Variants in RELN observed in about 807,000 individuals in gnomAD.
RELN encodes reelin.
A neutral mutation model predicts 427.6 loss-of-function variants in RELN; 108 were observed. The ratio of observed to expected loss-of-function variants is 0.25; its 90% CI spans 0.22 to 0.30. The LOEUF (loss-of-function observed/expected upper bound fraction) is 0.30. Among genes scored for constraint, RELN ranks in the 10% least tolerant of loss-of-function variants. The pLI is 1.00. For missense variants in RELN, 3,715 were observed against 4,302.8 expected (o/e 0.86, Z 3.82); for synonymous variants, 1,524 against 1,513.4 (o/e 1.01, Z -0.16).
chr7:103,873,210 G>C (rs1342560965), intron 2 of RELN, among the ~76,000 whole-genome samples: 1 of 146,228 alleles, frequency 6.8e-6, no homozygotes, highest in Non-Finnish European at 1.5e-5. Context: ...AAAGCAGTGT[G>C]TAGAGGGAAA....
At chr7:103,767,660 T>G (rs1791459184) in intron 4 of RELN, among the ~76,000 whole-genome samples, 1 of 152,226 alleles carries the variant, frequency 6.6e-6, no homozygotes, top group South Asian at 2.1e-4. Flanking sequence ...TCCTTTCAAG[T>G]TTTTAGTCTA....
At chr7:103,596,030 T>C (rs888622548) in intron 25 of RELN, among the ~76,000 whole-genome samples, 3 of 152,208 alleles carry the variant, frequency 2.0e-5, no homozygotes, top group Admixed American at 1.3e-4. Flanking sequence ...ATACACTGTT[T>C]AGGGATAGCC....
intron 6 of RELN, among the ~76,000 whole-genome samples, chr7:103,745,528 G>T (rs1469806425): frequency 6.7e-6 from 1 of 149,038 alleles, no homozygotes; most frequent in Non-Finnish European, 1.5e-5. Context: ...CATCGTCTCA[G>T]CCCAAAATCT....
intron 8 of RELN, among the ~76,000 whole-genome samples, chr7:103,717,263 G>T (rs966135582): frequency 2.0e-5 from 3 of 150,672 alleles, no homozygotes; most frequent in African/African-American, 7.3e-5. Flanking sequence ...AGAATTTGGG[G>T]TGAGGTGGAT....
intron 19 of RELN, among the ~76,000 whole-genome samples, chr7:103,631,117 G>A (rs1832454624): frequency 1.3e-5 from 2 of 151,640 alleles, no homozygotes; most frequent in South Asian, 4.2e-4. Context: ...TTTGTACATG[G>A]ATATATGGGG....
chr7:103,490,479 C>G (rs1005470196), intron 59 of RELN, among the ~76,000 whole-genome samples, 189 bp downstream of exon 59: 12 of 152,192 alleles, frequency 7.9e-5, no homozygotes, highest in African/African-American at 2.7e-4. Context: ...CAATTTCCTC[C>G]TGGAACATGC....
chr7:103,676,588 C>T (rs1048387503), intron 11 of RELN, among the ~76,000 whole-genome samples: 5 of 152,174 alleles, frequency 3.3e-5, no homozygotes, highest in African/African-American at 1.2e-4. Context: ...GACACATGCA[C>T]ACGTATGTTT....
chr7:103,723,094 C>A lies in RELN; in HGVS notation c.805+46G>T, dbSNP rs1324740852. ...TCCTGATTGCACACTATGTTTAAAGCAAACATTTCCAAATTAAATCGTTAT... is the reference window on the plus strand; with the variant it reads ...TCCTGATTGCACACTATGTTTAAAGAAAACATTTCCAAATTAAATCGTTAT... On this transcript the variant is annotated intron_variant, in intron 8 of 64. Coordinates refer to ENST00000428762, the MANE Select transcript of RELN (RefSeq NM_005045.4). 2.4e-6 allele frequency: 3 copies of A among 1,231,750 alleles called. No homozygotes were observed. In the Admixed American group the frequency reaches 5.1e-5, roughly 21 times the overall value. 76.3% of individuals were successfully genotyped at this position (1,231,750 alleles called of 1,614,324 possible).
chr7:103,890,128 A>G (rs1458111208), intron 2 of RELN, among the ~76,000 whole-genome samples: 1 of 150,908 alleles, frequency 6.6e-6, no homozygotes, highest in Non-Finnish European at 1.5e-5. Flanking sequence ...TTCTTCTCCT[A>G]TGTCTTACAG....
chr7:103,830,227 A>T (rs753990449), intron 3 of RELN, among the ~76,000 whole-genome samples: 13 of 152,012 alleles, frequency 8.6e-5, no homozygotes, highest in Admixed American at 3.9e-4. Context: ...AGCACATTCT[A>T]TTGGTCTATA....
intron 36 of RELN, 71 bp from the exon 37 acceptor site, chr7:103,558,120 A>T: frequency 1.3e-6 from 1 of 768,464 alleles, no homozygotes; most frequent in Non-Finnish European, 2.4e-6. Flanking sequence ...GATTTTATAC[A>T]CCTAACTTGC....
Position 103,640,708 on chromosome 7 carries a change from T to G in RELN, c.2003-99A>C. 1 of 1,247,846 alleles carries G rather than the reference T, an allele frequency of 8.0e-7. No individual in the cohort carries two copies. The highest frequency in any genetic ancestry group is 1.1e-6 in the Non-Finnish European group (1 of 871,512). The allele number at this position is 1,247,846 out of a possible 1,614,324, so 77.3% of individuals were successfully genotyped here. On this transcript the variant is annotated intron_variant, in intron 16 of 64. Transcript: ENST00000428762. The surrounding 1 kb of genome is among the most constrained non-coding windows in gnomAD (Gnocchi z 4.1). ...CATGAAATATGGCCCCTTGTGTGTA[T>G]GTTGTGTGCAGGAACCCAGGGTGAC...
chr7:103,835,845 A>C (rs1793386984), intron 2 of RELN, among the ~76,000 whole-genome samples: 1 of 152,162 alleles, frequency 6.6e-6, no homozygotes, highest in South Asian at 2.1e-4. Flanking sequence ...ATCTGGAAGC[A>C]GTGGTCTCTC....
chr7:103,734,944 A>G (rs1042141563), intron 6 of RELN, among the ~76,000 whole-genome samples: 4 of 152,202 alleles, frequency 2.6e-5, no homozygotes, highest in African/African-American at 4.8e-5. Context: ...GGACTTCATA[A>G]AAAACATTAA....
chr7:103,617,558 G>A (rs1359153504), intron 20 of RELN, among the ~76,000 whole-genome samples: 6 of 151,074 alleles, frequency 4.0e-5, no homozygotes. Flanking sequence ...GTAGATATAT[G>A]TATATATATG....
chr7:103,783,281 C>T (rs945977627), intron 3 of RELN, among the ~76,000 whole-genome samples: 7 of 149,978 alleles, frequency 4.7e-5, no homozygotes, highest in South Asian at 2.1e-4. Context: ...AAGCATAAAA[C>T]GTACAGTGCA....
At position 103,566,648 on chromosome 7, in the gene RELN, T is replaced by C. The variant is rs1264670936; in HGVS notation, c.4700A>G (p.Asp1567Gly). 1 of 1,614,172 alleles carries C rather than the reference T, an allele frequency of 6.2e-7. No individual in the cohort carries two copies. The highest frequency in any genetic ancestry group is 8.5e-7 in the Non-Finnish European group (1 of 1,180,028). Residue 1567 changes from aspartate (D) to glycine (G), a missense_variant, in exon 32 of 65, where the codon GAC becomes GGC. Around this residue, in one of 4 missense-constraint regions of RELN, gnomAD observed 2,208 missense variants for 2,361.7 expected, o/e 0.93. Coordinates refer to ENST00000428762, the MANE Select transcript of RELN (RefSeq NM_005045.4). ...PQIISIDLPQ[D>G]AKTPATAFRW... The stretch of plus-strand genomic sequence containing the variant: ...AAATGCCGTTGCAGGTGTCTTCGCG[T>C]CCTGTGGCAGGTCAATGGAAATGAT...
In RELN at chr7:103,926,248, G is replaced by A. The variant is rs1045914971; in HGVS notation, c.227-9063C>T. Among the ~76,000 whole-genome samples, 5 of 151,650 alleles carry A rather than the reference G, an allele frequency of 3.3e-5. No homozygotes were observed. The East Asian group carries it at 7.8e-4, about 24-fold the overall frequency. On this transcript the variant is annotated intron_variant, in intron 1 of 64. Coordinates refer to ENST00000428762, the MANE Select transcript of RELN (RefSeq NM_005045.4). ...CCCAAGTAGCTGGGACTACGGGTACGTGCCATCAGGCCAATTTTTGTATTT... is the reference window on the plus strand; with the variant it reads ...CCCAAGTAGCTGGGACTACGGGTACATGCCATCAGGCCAATTTTTGTATTT...
chr7:103,836,220 A>G (rs39374), intron 2 of RELN, among the ~76,000 whole-genome samples: 55,651 of 152,000 alleles, frequency 0.37, 10,664 homozygotes, highest in Non-Finnish European at 0.43. Context: ...TTGGCCTCCC[A>G]AAATGCCAGG....
Sources: allele counts gnomAD v4.1 joint callset (sites outside exome capture counted in the v4.1 genomes callset), GRCh38; gene constraint gnomAD v4.1.1; regional missense constraint gnomAD v4.1.1; non-coding constraint Gnocchi (gnomAD v3.1); transcripts MANE v1.5; gene names NCBI Gene and HGNC (gene_info 2026-07-23, HGNC 2026-07-21).